Variants in NECTIN1 observed in about 807,000 individuals in gnomAD.
NECTIN1 encodes nectin-1.
NECTIN1 carries 23 observed loss-of-function variants against 48.0 expected under a neutral mutation model. The ratio of observed to expected loss-of-function variants is 0.48; its 90% CI spans 0.34 to 0.68. The LOEUF (loss-of-function observed/expected upper bound fraction) is 0.68, where lower values mean the gene tolerates loss of function less well. NECTIN1 is among the 30% of genes least tolerant of loss of function. The pLI, the probability that NECTIN1 is intolerant of heterozygous loss-of-function variation, is 0.01. For missense variants in NECTIN1, 591 were observed against 709.9 expected, an observed-to-expected ratio of 0.83 and a Z score of 1.90; for synonymous variants, 270 against 288.9, an observed-to-expected ratio of 0.93 and a Z score of 0.66.
At chr11:119,660,628 C>T (rs540505692), downstream of NECTIN1, among the ~76,000 whole-genome samples, 1 of 152,108 alleles carries the variant, frequency 6.6e-6, no homozygotes, top group Non-Finnish European at 1.5e-5. Flanking sequence ...GAATCTGGGG[C>T]AGGAGGCACC....
intron 1 of NECTIN1, among the ~76,000 whole-genome samples, chr11:119,710,703 G>A (rs1865628483): frequency 6.6e-6 from 1 of 152,190 alleles, no homozygotes; most frequent in Admixed American, 6.5e-5. Flanking sequence ...ATGGTGGACT[G>A]AAAGGTCAGA....
At chr11:119,696,428 G>C (rs4938712) in intron 1 of NECTIN1, among the ~76,000 whole-genome samples, 55,399 of 152,086 alleles carry the variant, frequency 0.36, 10,627 homozygotes, top group East Asian at 0.48. Flanking sequence ...AACCCCGCCC[G>C]CCCCCTGGGG....
chr11:119,717,704 C>T (rs1013200988), intron 1 of NECTIN1, among the ~76,000 whole-genome samples: 11 of 152,162 alleles, frequency 7.2e-5, no homozygotes, highest in African/African-American at 2.2e-4. Context: ...CAAAGGGGCC[C>T]GGTCCCAGAG....
Position 119,677,954 on chromosome 11 carries a change from G to T in NECTIN1, c.431-97C>A. On this transcript the variant is annotated intron_variant, in intron 2 of 5. Coordinates refer to ENST00000264025, the MANE Select transcript of NECTIN1 (RefSeq NM_002855.5). The surrounding 1 kb of genome is among the most constrained non-coding windows in gnomAD (Gnocchi z 5.4). ...TGGCATCCGTCAGGCCTTGTCTTCA[G>T]GTCCCCTTGGCCATCCCTGCCTCTC... The T allele has an allele frequency of 7.9e-7, 1 of 1,269,332 alleles. No individual in the cohort carries two copies. 78.6% of individuals were successfully genotyped at this position (1,269,332 alleles called of 1,614,324 possible). A position where few individuals can be genotyped will look rare whatever the true frequency, so the allele number is the denominator to read the frequency against.
intron 1 of NECTIN1, 88 bp downstream of exon 1, chr11:119,728,387 C>G: frequency 7.6e-7 from 1 of 1,320,120 alleles, no homozygotes; most frequent in Non-Finnish European, 1.1e-6. Flanking sequence ...CCTTTCACTC[C>G]CCACAATCCA....
intron 1 of NECTIN1, among the ~76,000 whole-genome samples, chr11:119,717,147 C>T (rs1271502143): frequency 6.6e-6 from 1 of 152,144 alleles, no homozygotes; most frequent in African/African-American, 2.4e-5. Context: ...AGGTGGGCGC[C>T]GAGGACTGAT....
At chr11:119,710,020 G>T (rs1024904728) in intron 1 of NECTIN1, 1 of 152,240 alleles carries the variant, frequency 6.6e-6, no homozygotes, top group African/African-American at 2.4e-5. Context: ...GTTCTTGGAG[G>T]GGGACATCAG....
intron 5 of NECTIN1, among the ~76,000 whole-genome samples, chr11:119,643,522 T>A (rs766036813): frequency 2.0e-4 from 30 of 152,196 alleles, no homozygotes; most frequent in Non-Finnish European, 2.8e-4. Context: ...GTATTTCTCA[T>A]CCCTCACTTG....
At chr11:119,701,967 G>A (rs1283094156) in intron 1 of NECTIN1, among the ~76,000 whole-genome samples, 2 of 152,094 alleles carry the variant, frequency 1.3e-5, no homozygotes, top group Non-Finnish European at 2.9e-5. Context: ...CCGGCTCCAG[G>A]GGCGACAGTT....
chr11:119,684,923 C>T lies in NECTIN1; in HGVS notation c.80-6158G>A, dbSNP rs1034265500. On this transcript the variant is annotated intron_variant, in intron 1 of 5. Coordinates refer to ENST00000264025, the MANE Select transcript of NECTIN1 (RefSeq NM_002855.5). This position sits in a 1 kb window ranked among gnomAD's most constrained non-coding sequence, Gnocchi z 5.2. ...TTTCCCCATTAGTCCAGGAGATTCACGGGTGCCCAGGCTGCCCCCTCCTGC... is the reference window on the plus strand; with the variant it reads ...TTTCCCCATTAGTCCAGGAGATTCATGGGTGCCCAGGCTGCCCCCTCCTGC... 2.6e-5 allele frequency among the ~76,000 whole-genome samples: 4 copies of T among 152,304 alleles called. No individual in the cohort carries two copies. The highest frequency in any genetic ancestry group is 2.1e-4 in the South Asian group (1 of 4,826).
At chr11:119,701,845 C>A (rs1401596234) in intron 1 of NECTIN1, among the ~76,000 whole-genome samples, 1 of 152,176 alleles carries the variant, frequency 6.6e-6, no homozygotes, top group East Asian at 1.9e-4. Flanking sequence ...CCCAAATCCA[C>A]CTGCCTCCGC....
chr11:119,668,995 C>T (rs946748887), intron 5 of NECTIN1, among the ~76,000 whole-genome samples: 3 of 152,248 alleles, frequency 2.0e-5, no homozygotes. Flanking sequence ...AGCTCTCCTA[C>T]ATCTTCCTCA....
At chr11:119,692,894 C>T (rs972987988) in intron 1 of NECTIN1, among the ~76,000 whole-genome samples, 3 of 152,236 alleles carry the variant, frequency 2.0e-5, no homozygotes, top group African/African-American at 2.4e-5. Context: ...GGCCAGCACC[C>T]TCTGAACCAG....
At chr11:119,703,343 C>T (rs570247817) in intron 1 of NECTIN1, among the ~76,000 whole-genome samples, 13 of 152,202 alleles carry the variant, frequency 8.5e-5, no homozygotes, top group African/African-American at 2.7e-4. Flanking sequence ...CTGGCACCAA[C>T]GGGACAGATA....
At chr11:119,701,489 A>G (rs1054202722) in intron 1 of NECTIN1, among the ~76,000 whole-genome samples, 1 of 152,050 alleles carries the variant, frequency 6.6e-6, no homozygotes, top group Non-Finnish European at 1.5e-5. Context: ...GGGCCCTCTC[A>G]GCTTGCAGTC....
intron 1 of NECTIN1, among the ~76,000 whole-genome samples, chr11:119,708,756 G>C (rs1299432114): frequency 6.6e-6 from 1 of 152,142 alleles, no homozygotes; most frequent in Admixed American, 6.5e-5. Context: ...GGCGAATTTT[G>C]TGGTTTGCGA....
At chr11:119,639,797 C>T in intron 6 of NECTIN1, 1 of 1,607,750 alleles carries the variant, frequency 6.2e-7, no homozygotes, top group Admixed American at 1.7e-5. Context: ...TGCTTTAAGT[C>T]TGGGGCTCCC....
chr11:119,712,779 C>T (rs1170465477), intron 1 of NECTIN1: 3 of 152,250 alleles, frequency 2.0e-5, no homozygotes, highest in Admixed American at 6.5e-5. Flanking sequence ...CCCTTTTCTC[C>T]TCACCCTAAA....
At chr11:119,698,265 C>T (rs1377991071) in intron 1 of NECTIN1, among the ~76,000 whole-genome samples, 1 of 152,256 alleles carries the variant, frequency 6.6e-6, no homozygotes, top group Non-Finnish European at 1.5e-5. Flanking sequence ...TCTAGACTTT[C>T]CCAGCTGAAG....
Sources: allele counts gnomAD v4.1 joint callset (sites outside exome capture counted in the v4.1 genomes callset), GRCh38; gene constraint gnomAD v4.1.1; non-coding constraint Gnocchi (gnomAD v3.1); transcripts MANE v1.5; gene names NCBI Gene and HGNC (gene_info 2026-07-23, HGNC 2026-07-21).